Variants in SPON1 observed in about 807,000 individuals in gnomAD.
SPON1 encodes the protein spondin-1.
SPON1 carries 52 observed loss-of-function variants against 111.7 expected under a neutral mutation model. The ratio of observed to expected loss-of-function variants is 0.47; its 90% CI spans 0.37 to 0.59. The LOEUF (loss-of-function observed/expected upper bound fraction) is 0.59, where lower values mean the gene tolerates loss of function less well. Ranked by LOEUF, SPON1 falls within the 20% of genes least tolerant of loss-of-function variation. The probability of loss-of-function intolerance (pLI) is 0.00; values close to 1 mark genes in which losing one functional copy is unlikely to be tolerated. For synonymous variants in SPON1, 410 were observed against 395.8 expected, an observed-to-expected ratio of 1.04 and a Z score of -0.43; for missense variants, 957 against 1,068.5, an observed-to-expected ratio of 0.90 and a Z score of 1.46.
At chr11:14,230,065 C>T (rs1013770124) in intron 6 of SPON1, among the ~76,000 whole-genome samples, 9 of 152,014 alleles carry the variant, frequency 5.9e-5, no homozygotes, top group African/African-American at 2.2e-4. Flanking sequence ...CCAAGTCTCT[C>T]CCCAAACCTC....
intron 6 of SPON1, among the ~76,000 whole-genome samples, chr11:14,219,129 A>G (rs1848654094): frequency 6.6e-6 from 1 of 152,126 alleles, no homozygotes; most frequent in Admixed American, 6.5e-5. Flanking sequence ...ACTGCCACCT[A>G]TGCTGTCAGC....
chr11:14,063,454 C>A (rs1184339059), intron 3 of SPON1, among the ~76,000 whole-genome samples: 2 of 152,134 alleles, frequency 1.3e-5, no homozygotes, highest in Non-Finnish European at 2.9e-5. Flanking sequence ...TTCCTTTCTT[C>A]CTTCCTTTCT....
chr11:14,048,608 TTA>T (rs1199557569), intron 3 of SPON1, among the ~76,000 whole-genome samples: 1 of 152,226 alleles, frequency 6.6e-6, no homozygotes, highest in African/African-American at 2.4e-5. Flanking sequence ...GCAGCCCTCC[TTA>T]TAGACTTCTC....
At chr11:14,075,930 A>G (rs1252997616) in intron 4 of SPON1, among the ~76,000 whole-genome samples, 14 of 152,130 alleles carry the variant, frequency 9.2e-5, no homozygotes, top group African/African-American at 3.4e-4. Context: ...AAACTTATCA[A>G]CCTTCTCTCC....
chr11:14,196,510 A>C (rs2133894443), intron 6 of SPON1, among the ~76,000 whole-genome samples: 1 of 152,358 alleles, frequency 6.6e-6, no homozygotes, highest in African/African-American at 2.4e-5. Context: ...TTAAAAAAAA[A>C]TGTGCTCAGT....
At chr11:13,975,060 G>A (rs149401350) in intron 1 of SPON1, among the ~76,000 whole-genome samples, 36 of 152,222 alleles carry the variant, frequency 2.4e-4, no homozygotes, top group African/African-American at 4.1e-4. Context: ...AAGCCTCTTC[G>A]AATTCACCCA....
intron 6 of SPON1, among the ~76,000 whole-genome samples, chr11:14,176,533 C>A (rs73426116): frequency 0.046 from 7,054 of 152,056 alleles, 520 homozygotes; most frequent in African/African-American, 0.16. Context: ...GCTACAGACA[C>A]CCCACCATAG....
rs1159719282 is a variant in SPON1, at chr11:13,990,373, C to CTTTTTTTTTTT, written c.345+7444_345+7454dup. On this transcript the variant is annotated intron_variant, in intron 2 of 15. Transcript: ENST00000576479. ...TCAGAGATTAGGATTGCAACTCCTG[C>CTTTTTTTTTTT]TTTTTTTTTTTTTTTTTTTTTTTTT... Among the ~76,000 whole-genome samples the CTTTTTTTTTTT allele has an allele frequency of 7.8e-4, 17 of 21,710 alleles. 3 individuals carry two copies. The highest frequency in any genetic ancestry group is 1.2e-3 in the Non-Finnish European group (12 of 10,008). The allele number at this position is 21,710 out of a possible 152,430, so 14.2% of individuals were successfully genotyped here.
chr11:14,157,435 G>C (rs558475828), intron 6 of SPON1, among the ~76,000 whole-genome samples: 40 of 152,144 alleles, frequency 2.6e-4, no homozygotes, highest in Non-Finnish European at 4.9e-4. Context: ...AAAATAACAT[G>C]TCTTTTTACA....
chr11:14,177,900 C>T (rs1291408358), intron 6 of SPON1, among the ~76,000 whole-genome samples: 3 of 152,134 alleles, frequency 2.0e-5, no homozygotes, highest in African/African-American at 7.2e-5. Context: ...TTTGCAAAGG[C>T]GATTTCCCTG....
At position 14,265,535 on chromosome 11, in the gene SPON1, C is replaced by T. The variant is rs781868123; in HGVS notation, c.2272C>T (p.Arg758Cys). Reference protein sequence around the residue: ...EGEQFPGCRMRPWTAWSECTK... With the variant: ...EGEQFPGCRMCPWTAWSECTK... Reference sequence around the variant, plus strand: ...TCTCATGCTTTCAGGTTGTAGGATGCGCCCATGGACGGCCTGGTCAGAATG... The same window carrying T: ...TCTCATGCTTTCAGGTTGTAGGATGTGCCCATGGACGGCCTGGTCAGAATG... Residue 758 changes from arginine to cysteine, a missense_variant, in exon 16 of 16, where the codon CGC becomes TGC. Coordinates refer to ENST00000576479, the MANE Select transcript of SPON1 (RefSeq NM_006108.4). 13 of 1,612,360 alleles carry T rather than the reference C, an allele frequency of 8.1e-6. No individual in the cohort carries two copies. Among genetic ancestry groups the T allele is most frequent in the East Asian group, 2.2e-5 (1 of 44,882 alleles).
At chr11:14,055,775 A>T (rs1303317674) in intron 3 of SPON1, among the ~76,000 whole-genome samples, 1 of 152,124 alleles carries the variant, frequency 6.6e-6, no homozygotes, top group Non-Finnish European at 1.5e-5. Flanking sequence ...GATGTTGAGG[A>T]CTTGGGGAGT....
chr11:14,076,981 T>C (rs1187931904), intron 4 of SPON1, among the ~76,000 whole-genome samples: 1 of 152,224 alleles, frequency 6.6e-6, no homozygotes, highest in African/African-American at 2.4e-5. Context: ...CTCCACTTAT[T>C]AAGCTCTTGG....
chr11:13,970,692 A>C (rs1408671877), intron 1 of SPON1, among the ~76,000 whole-genome samples: 5 of 152,104 alleles, frequency 3.3e-5, no homozygotes, highest in African/African-American at 4.8e-5. Flanking sequence ...CAGGGCCTTC[A>C]TCCTTGCTCT....
At chr11:14,197,487 A>AT (rs879977251) in intron 6 of SPON1, among the ~76,000 whole-genome samples, 11 of 90,800 alleles carry the variant, frequency 1.2e-4, no homozygotes, top group Non-Finnish European at 1.9e-4. Flanking sequence ...GGTCCTCTTT[A>AT]AAAATAAATA....
intron 2 of SPON1, among the ~76,000 whole-genome samples, chr11:14,026,220 G>C (rs1554915294): frequency 6.6e-6 from 1 of 152,208 alleles, no homozygotes; most frequent in Non-Finnish European, 1.5e-5. Context: ...ATTCTCTTCA[G>C]ATATTTGATT....
chr11:13,982,167 T>TATGTATGTATGC (rs1848149483), intron 1 of SPON1, among the ~76,000 whole-genome samples: 1 of 68,918 alleles, frequency 1.5e-5, no homozygotes, highest in Non-Finnish European at 3.3e-5. Flanking sequence ...AACTTTATCA[T>TATGTATGTATGC]ATGTATGTAT....
At chr11:14,028,726 G>A (rs1324087772) in intron 2 of SPON1, among the ~76,000 whole-genome samples, 1 of 152,134 alleles carries the variant, frequency 6.6e-6, no homozygotes, top group African/African-American at 2.4e-5. Context: ...TCTGGGCTCT[G>A]TACACAGGAC....
intron 3 of SPON1, among the ~76,000 whole-genome samples, chr11:14,064,289 A>C (rs1264921114): frequency 6.6e-6 from 1 of 152,358 alleles, no homozygotes; most frequent in Middle Eastern, 3.4e-3. Context: ...AAGAGTACCC[A>C]ATGCCTGAAT....
Sources: allele counts gnomAD v4.1 joint callset (sites outside exome capture counted in the v4.1 genomes callset), GRCh38; gene constraint gnomAD v4.1.1; transcripts MANE v1.5; gene names NCBI Gene and HGNC (gene_info 2026-07-23, HGNC 2026-07-21).